RYR2: variants seen among roughly 807,000 people sequenced by gnomAD.
RYR2 encodes the protein cardiac muscle ryanodine receptor-calcium release channel.
In RYR2, 227 loss-of-function variants were observed where a neutral mutation model predicts 601.1. The observed-to-expected ratio is 0.38, with a 90% CI of 0.34 to 0.42. The LOEUF (loss-of-function observed/expected upper bound fraction) is 0.42. Among genes scored for constraint, RYR2 ranks in the 10% least tolerant of loss-of-function variants. The probability of loss-of-function intolerance (pLI) is 1.00; values close to 1 mark genes in which losing one functional copy is unlikely to be tolerated. For missense variants in RYR2, 4,646 were observed against 6,156.5 expected, an observed-to-expected ratio of 0.75 and a Z score of 8.21; for synonymous variants, 2,223 against 2,175.1, an observed-to-expected ratio of 1.02 and a Z score of -0.61.
chr1:237,370,956 G>A (rs895395265), intron 6 of RYR2, among the ~76,000 whole-genome samples: 2 of 152,028 alleles, frequency 1.3e-5, no homozygotes, highest in African/African-American at 2.4e-5. Flanking sequence ...CACCGCGCCC[G>A]GCCTCATTCC....
At chr1:237,655,449 T>A (rs1261490433) in intron 52 of RYR2, among the ~76,000 whole-genome samples, 1 of 152,188 alleles carries the variant, frequency 6.6e-6, no homozygotes, top group African/African-American at 2.4e-5. Flanking sequence ...TTATATGTAG[T>A]CATTATAATG....
At chr1:237,138,186 C>T (rs894234786) in intron 1 of RYR2, among the ~76,000 whole-genome samples, 5 of 152,062 alleles carry the variant, frequency 3.3e-5, no homozygotes, top group African/African-American at 7.2e-5. Flanking sequence ...CGTGTGCCAC[C>T]GTGCCCGGCT....
intron 1 of RYR2, among the ~76,000 whole-genome samples, chr1:237,107,506 T>C (rs554412447): frequency 0.032 from 901 of 28,520 alleles, 4 homozygotes; most frequent in Middle Eastern, 0.077. Flanking sequence ...GGAGACAGAG[T>C]GAGACTCCAT....
intron 1 of RYR2, among the ~76,000 whole-genome samples, chr1:237,132,361 T>C (rs1672257240): frequency 6.6e-6 from 1 of 152,206 alleles, no homozygotes; most frequent in Non-Finnish European, 1.5e-5. Context: ...ATATTGGTAG[T>C]AATGTCATGG....
chr1:237,617,055 C>T (rs559201488), intron 37 of RYR2, among the ~76,000 whole-genome samples: 5 of 152,126 alleles, frequency 3.3e-5, no homozygotes, highest in African/African-American at 1.2e-4. Context: ...GGGGAAAGAA[C>T]CAGACCATAT....
At chr1:237,296,953 G>A (rs1349104268) in intron 2 of RYR2, among the ~76,000 whole-genome samples, 1 of 152,134 alleles carries the variant, frequency 6.6e-6, no homozygotes, top group Non-Finnish European at 1.5e-5. Flanking sequence ...GCACTAAAGT[G>A]TAAGTTCTAT....
intron 44 of RYR2, among the ~76,000 whole-genome samples, chr1:237,636,190 A>G (rs1324352300): frequency 6.6e-6 from 1 of 151,900 alleles, no homozygotes; most frequent in Non-Finnish European, 1.5e-5. Flanking sequence ...TAAAATAAAT[A>G]TATTTAATCA....
intron 1 of RYR2, among the ~76,000 whole-genome samples, chr1:237,122,153 C>T (rs147976859): frequency 8.6e-4 from 131 of 152,220 alleles, no homozygotes; most frequent in African/African-American, 3.0e-3. Context: ...ATTGGGGTTG[C>T]GGTTGGAGGC....
At chr1:237,499,722 C>T (rs554518599) in intron 20 of RYR2, among the ~76,000 whole-genome samples, 6 of 151,648 alleles carry the variant, frequency 4.0e-5, no homozygotes, top group Non-Finnish European at 8.8e-5. Context: ...CAGATATGTC[C>T]TTGGTAGAGA....
intron 1 of RYR2, among the ~76,000 whole-genome samples, chr1:237,093,161 C>T (rs1354000893): frequency 2.6e-5 from 4 of 152,154 alleles, no homozygotes; most frequent in Admixed American, 6.5e-5. Context: ...TTTAAATACC[C>T]ACAGGAGGCT....
At chr1:237,432,298 T>C (rs1307675654) in intron 12 of RYR2, among the ~76,000 whole-genome samples, 1 of 152,114 alleles carries the variant, frequency 6.6e-6, no homozygotes, top group Non-Finnish European at 1.5e-5. Flanking sequence ...ATGCATCTCC[T>C]AATATTTCAA....
intron 1 of RYR2, among the ~76,000 whole-genome samples, chr1:237,094,656 A>ACTCCGCCTCACTGCAAG (rs1056828812): frequency 6.6e-6 from 1 of 151,790 alleles, no homozygotes; most frequent in Non-Finnish European, 1.5e-5. Flanking sequence ...CCCACTGCAA[A>ACTCCGCCTCACTGCAAG]CTCCGCCTCA....
chr1:237,368,521 A>G (rs1193659176), intron 5 of RYR2, among the ~76,000 whole-genome samples: 2 of 152,148 alleles, frequency 1.3e-5, no homozygotes, highest in African/African-American at 4.8e-5. Context: ...GTGCTTCTCA[A>G]AGTAGTCTCT....
chr1:237,674,531 A>G (rs1685226922), intron 59 of RYR2, among the ~76,000 whole-genome samples, 200 bp from the exon 60 acceptor site: 1 of 152,128 alleles, frequency 6.6e-6, no homozygotes, highest in Non-Finnish European at 1.5e-5. Flanking sequence ...CTGAAGCTTT[A>G]TATCATATGC....
In RYR2 at chr1:237,507,973, A is replaced by AT. The variant is rs568487005; in HGVS notation, c.2718+1166dup. 6.6e-5 allele frequency among the ~76,000 whole-genome samples: 10 copies of AT among 151,986 alleles called. No individual in the cohort carries two copies. The South Asian group carries it at 1.9e-3, about 28-fold the overall frequency. ...TGTGCTACGTTCATCAATTTTTTTTATTTTTTTGCTATAGAGTTTCGCTCT... is the reference window on the plus strand; with the variant it reads ...TGTGCTACGTTCATCAATTTTTTTTATTTTTTTTGCTATAGAGTTTCGCTCT... On this transcript the variant is annotated intron_variant, in intron 23 of 104. Coordinates refer to ENST00000366574, the MANE Select transcript of RYR2 (RefSeq NM_001035.3).
chr1:237,477,152 G>A (rs889892513), intron 17 of RYR2, among the ~76,000 whole-genome samples: 5 of 152,112 alleles, frequency 3.3e-5, no homozygotes, highest in Admixed American at 3.3e-4. Flanking sequence ...CAGCACTTTG[G>A]GAGGCCGAGG....
intron 25 of RYR2, among the ~76,000 whole-genome samples, chr1:237,542,227 G>A (rs1049894650): frequency 1.3e-4 from 20 of 152,004 alleles, no homozygotes; most frequent in African/African-American, 4.8e-4. Context: ...CCAAGCAGCT[G>A]GGATTGGAGG....
chr1:237,645,514 T>A (rs960601273), intron 48 of RYR2, among the ~76,000 whole-genome samples: 4 of 152,194 alleles, frequency 2.6e-5, no homozygotes, highest in Non-Finnish European at 4.4e-5. Flanking sequence ...ACCAGTGACA[T>A]ACAGATTAGG....
intron 1 of RYR2, among the ~76,000 whole-genome samples, chr1:237,061,762 T>A (rs1465968699): frequency 4.6e-5 from 7 of 152,192 alleles, no homozygotes; most frequent in Non-Finnish European, 8.8e-5. Flanking sequence ...TTCACTTTAA[T>A]GAAGTCCAGA....
Sources: allele counts gnomAD v4.1 joint callset (sites outside exome capture counted in the v4.1 genomes callset), GRCh38; gene constraint gnomAD v4.1.1; transcripts MANE v1.5; gene names NCBI Gene and HGNC (gene_info 2026-07-23, HGNC 2026-07-21).